IKZF2: variants seen among roughly 807,000 people sequenced by gnomAD.
IKZF2 encodes the protein zinc finger protein Helios.
In IKZF2, 15 loss-of-function variants were observed where a neutral mutation model predicts 49.2. That is an observed-to-expected ratio of 0.30 (90% confidence interval 0.20 to 0.47). The LOEUF is 0.47. Among genes scored for constraint, IKZF2 ranks in the 20% least tolerant of loss-of-function variants. The probability of loss-of-function intolerance (pLI) is 1.00; values close to 1 mark genes in which losing one functional copy is unlikely to be tolerated. For missense variants in IKZF2, 567 were observed against 664.6 expected (o/e 0.85, Z 1.61); for synonymous variants, 227 against 221.4 (o/e 1.03, Z -0.23).
At chr2:213,121,886 T>G (rs181700969) in intron 4 of IKZF2, among the ~76,000 whole-genome samples, 1 of 152,206 alleles carries the variant, frequency 6.6e-6, no homozygotes, top group Non-Finnish European at 1.5e-5. Flanking sequence ...ACAAACTCCC[T>G]GGCTGAAACA....
chr2:213,088,329 C>T (rs995979928), intron 4 of IKZF2, among the ~76,000 whole-genome samples: 7 of 152,110 alleles, frequency 4.6e-5, no homozygotes, highest in Non-Finnish European at 8.8e-5. Context: ...TGTTCATATC[C>T]TTTGCCCACT....
At position 213,147,748 on chromosome 2, in the gene IKZF2, T is replaced by G; in HGVS notation, c.99A>C (p.Thr33=). 1 of 1,614,038 alleles carries G rather than the reference T, an allele frequency of 6.2e-7. No individual in the cohort carries two copies. Among genetic ancestry groups the G allele is most frequent in the South Asian group, 1.1e-5 (1 of 91,084 alleles). Residue 33 remains threonine (T), a synonymous_variant, in exon 4 of 9, where the codon ACA becomes ACC. Transcript: ENST00000434687. ...SNMAIDLTSS[T]PNGQHASPSH... ...TTGGTGAGGCATGCTGTCCATTGGG[T>G]GTGCTTGAGGTGAGGTCAATTGCCA...
At position 213,005,862 on chromosome 2, in the gene IKZF2, T is replaced by C. The variant is rs1695299495; in HGVS notation, c.*1498A>G. ...ACATGAAATATGGCAACCTATACCA[T>C]GTAAGGGGAATTCTATACTAAGGGA... On this transcript the variant is annotated 3_prime_UTR_variant, in exon 9 of 9. Transcript: ENST00000434687. 1.3e-5 allele frequency: 2 copies of C among 151,996 alleles called. No individual in the cohort carries two copies. The highest frequency in any genetic ancestry group is 2.4e-5 in the African/African-American group (1 of 41,398). 9.4% of individuals were successfully genotyped at this position (151,996 alleles called of 1,614,324 possible).
At chr2:213,115,373 A>G (rs1004316476) in intron 4 of IKZF2, among the ~76,000 whole-genome samples, 17 of 152,236 alleles carry the variant, frequency 1.1e-4, no homozygotes, top group Non-Finnish European at 2.1e-4. Context: ...AAAATTCCAT[A>G]GGCATAAAAC....
chr2:213,004,005 C>G lies in IKZF2; in HGVS notation c.*3355G>C, dbSNP rs1695118703. The G allele has an allele frequency of 1.3e-5, 2 of 151,854 alleles. No individual in the cohort carries two copies. Among genetic ancestry groups the G allele is most frequent in the Admixed American group, 6.6e-5 (1 of 15,208 alleles). The allele number at this position is 151,854 out of a possible 1,614,324, so 9.4% of individuals were successfully genotyped here. ...AGTTGCCACTGGTCCTAAAGACACA[C>G]TAGTAACTTCTTTAGTGATTCCTAT... On this transcript the variant is annotated 3_prime_UTR_variant, in exon 9 of 9. Coordinates refer to ENST00000434687, the MANE Select transcript of IKZF2 (RefSeq NM_001387220.1).
chr2:213,080,837 A>G (rs1703864037), intron 4 of IKZF2, among the ~76,000 whole-genome samples: 1 of 150,944 alleles, frequency 6.6e-6, no homozygotes, highest in Non-Finnish European at 1.5e-5. Context: ...CACATATGGA[A>G]GGAAAAAAAA....
Position 213,005,192 on chromosome 2 carries a change from G to GGGGA in IKZF2, c.*2167_*2168insTCCC, listed in dbSNP as rs1553539341. 1 of 40,038 alleles carries GGGGA rather than the reference G, an allele frequency of 2.5e-5. No individual in the cohort carries two copies. The highest frequency in any genetic ancestry group is 1.4e-3 in the East Asian group (1 of 724). 2.5% of individuals were successfully genotyped at this position (40,038 alleles called of 1,614,324 possible). ...AATTATTATTTGGGAGTGGTTGGGT[G>GGGGA]GGGGGGGGTGAGCGAGTCTCAAAAA... On this transcript the variant is annotated 3_prime_UTR_variant, in exon 9 of 9. Coordinates refer to ENST00000434687, the MANE Select transcript of IKZF2 (RefSeq NM_001387220.1).
At chr2:213,089,312 C>CGTG (rs1705033077) in intron 4 of IKZF2, among the ~76,000 whole-genome samples, 1 of 152,194 alleles carries the variant, frequency 6.6e-6, no homozygotes, top group Admixed American at 6.5e-5. Flanking sequence ...GATACACCAC[C>CGTG]ATCTTTCACA....
chr2:213,088,944 T>C (rs1340670527), intron 4 of IKZF2, among the ~76,000 whole-genome samples: 1 of 152,154 alleles, frequency 6.6e-6, no homozygotes, highest in Non-Finnish European at 1.5e-5. Context: ...CACTAAGTCT[T>C]AAAAAACTGT....
chr2:213,129,048 C>T (rs1054641942), intron 4 of IKZF2, among the ~76,000 whole-genome samples: 15 of 151,856 alleles, frequency 9.9e-5, no homozygotes, highest in African/African-American at 3.6e-4. Flanking sequence ...AGAATGAACA[C>T]TACAGTGTAA....
At chr2:213,142,977 C>T (rs956411968) in intron 4 of IKZF2, among the ~76,000 whole-genome samples, 3 of 151,680 alleles carry the variant, frequency 2.0e-5, no homozygotes, top group African/African-American at 4.8e-5. Context: ...TCAATTAATT[C>T]GCAAAAGGAA....
chr2:213,108,370 A>G (rs576203848), intron 4 of IKZF2, among the ~76,000 whole-genome samples: 8 of 152,246 alleles, frequency 5.3e-5, no homozygotes, highest in Admixed American at 4.6e-4. Flanking sequence ...GCCATCCCCA[A>G]TGAACTGTGG....
chr2:213,035,840 T>G (rs1299523062), intron 6 of IKZF2, among the ~76,000 whole-genome samples: 1 of 152,140 alleles, frequency 6.6e-6, no homozygotes, highest in African/African-American at 2.4e-5. Flanking sequence ...AAATCAGATT[T>G]TAAAGTAACA....
At chr2:213,136,133 G>T (rs1300727659) in intron 4 of IKZF2, among the ~76,000 whole-genome samples, 2 of 151,496 alleles carry the variant, frequency 1.3e-5, no homozygotes, top group Non-Finnish European at 2.9e-5. Context: ...ACTTTGGGAG[G>T]CTGAGGCAGG....
intron 4 of IKZF2, among the ~76,000 whole-genome samples, chr2:213,065,683 G>A (rs567635105): frequency 3.6e-4 from 54 of 152,026 alleles, no homozygotes; most frequent in Non-Finnish European, 6.8e-4. Flanking sequence ...TACAAATGAG[G>A]AAACTGAAGC....
At chr2:213,118,592 C>T (rs1278237007) in intron 4 of IKZF2, among the ~76,000 whole-genome samples, 1 of 152,154 alleles carries the variant, frequency 6.6e-6, no homozygotes, top group Non-Finnish European at 1.5e-5. Context: ...TTTACAGATG[C>T]CACCTAAAAC....
chr2:213,106,149 A>G (rs1466406401), intron 4 of IKZF2, among the ~76,000 whole-genome samples: 3 of 152,224 alleles, frequency 2.0e-5, no homozygotes, highest in Non-Finnish European at 4.4e-5. Context: ...CTTTTTAAAA[A>G]AGGCATTACC....
intron 4 of IKZF2, among the ~76,000 whole-genome samples, chr2:213,072,215 G>A (rs950483978): frequency 4.6e-5 from 7 of 150,992 alleles, no homozygotes; most frequent in African/African-American, 1.7e-4. Flanking sequence ...AGCTAACGAT[G>A]AAATATAAGA....
chr2:213,038,810 A>G (rs2125247074), intron 6 of IKZF2, among the ~76,000 whole-genome samples: 1 of 152,340 alleles, frequency 6.6e-6, no homozygotes, highest in South Asian at 2.1e-4. Context: ...ATCAGTTGTC[A>G]ATTTAAAGAA....
Sources: gnomAD v4.1 joint callset for allele counts (sites outside exome capture counted in the v4.1 genomes callset) on GRCh38, gnomAD v4.1.1 for gene constraint, MANE v1.5 for transcripts, NCBI Gene and HGNC (gene_info 2026-07-23, HGNC 2026-07-21) for gene names.